CEP44: variants seen among roughly 807,000 people sequenced by gnomAD.
The protein encoded by CEP44 is centrosomal protein 44.
In CEP44, 45 loss-of-function variants were observed where a neutral mutation model predicts 46.7. The observed-to-expected ratio is 0.96, with a 90% CI of 0.76 to 1.24. The LOEUF (loss-of-function observed/expected upper bound fraction) is 1.24. Ranked by LOEUF, CEP44 falls within the 50% of genes most tolerant of loss-of-function variation. CEP44 has a pLI of 0.00. For synonymous variants in CEP44, 142 were observed against 146.0 expected (o/e 0.97, Z 0.20); for missense variants, 475 against 459.7 (o/e 1.03, Z -0.30).
At chr4:174,315,247 T>G (rs1172826258) in intron 9 of CEP44, among the ~76,000 whole-genome samples, 4 of 145,506 alleles carry the variant, frequency 2.7e-5, no homozygotes, top group Admixed American at 6.9e-5. Context: ...TTTTTTTTTT[T>G]GCATTGCTTT....
rs1738093867 is a variant in CEP44 at position 174,290,659 on chromosome 4, A to AT, written c.-148+6718dup. ...GTATCAAAGTCTCCTTCTGTATTGT[A>AT]TTGATATCTATTTCTTCCTCCAATT... is the stretch of plus-strand genomic sequence containing the variant. On this transcript the variant is annotated intron_variant, in intron 1 of 11. Transcript: ENST00000503780. This position sits in a 1 kb window ranked among gnomAD's most constrained non-coding sequence, Gnocchi z 4.3. 6.6e-6 allele frequency among the ~76,000 whole-genome samples: 1 copy of AT among 152,108 alleles called. No individual in the cohort carries two copies. Among genetic ancestry groups the AT allele is most frequent in the African/African-American group, 2.4e-5 (1 of 41,442 alleles).
chr4:174,302,323 TGTA>T (rs1484054913), intron 4 of CEP44, 137 bp downstream of exon 4: 11 of 593,392 alleles, frequency 1.9e-5, no homozygotes, highest in Non-Finnish European at 3.2e-5. Flanking sequence ...CTCATTTAAA[TGTA>T]GTCTCTATTG....
rs1468721965 is a variant in CEP44, at chr4:174,286,125, T to G, written c.-148+2182T>G. Among the ~76,000 whole-genome samples the G allele has an allele frequency of 6.6e-6, 1 of 152,182 alleles. No homozygotes were observed. The highest frequency in any genetic ancestry group is 1.5e-5 in the Non-Finnish European group (1 of 68,028). ...CTATAAAGTATATTCAATAAGCTGTTGCCTACCATGTTGATAAAGGAGACT... is the reference window on the plus strand; with the variant it reads ...CTATAAAGTATATTCAATAAGCTGTGGCCTACCATGTTGATAAAGGAGACT... On this transcript the variant is annotated intron_variant, in intron 1 of 11. Transcript: ENST00000503780. This position sits in a 1 kb window ranked among gnomAD's most constrained non-coding sequence, Gnocchi z 5.2.
rs911156536 is a variant in CEP44, at chr4:174,311,512, C to T, written c.961+654C>T. On this transcript the variant is annotated intron_variant, in intron 9 of 11. Coordinates refer to ENST00000503780, the MANE Select transcript of CEP44 (RefSeq NM_001040157.3). The surrounding 1 kb of genome is among the most constrained non-coding windows in gnomAD (Gnocchi z 4.4). ...GAGATGTTTTGTCCAATTGAGAATTCATCGTTAAGTTAAATTTTTAATATC... is the reference window on the plus strand; with the variant it reads ...GAGATGTTTTGTCCAATTGAGAATTTATCGTTAAGTTAAATTTTTAATATC... Among the ~76,000 whole-genome samples, 26 of 152,026 alleles carry T rather than the reference C, an allele frequency of 1.7e-4. No individual in the cohort carries two copies. The highest frequency in any genetic ancestry group is 5.1e-4 in the African/African-American group (21 of 41,384).
intron 1 of CEP44, among the ~76,000 whole-genome samples, chr4:174,293,213 G>A (rs1738441011): frequency 6.6e-6 from 1 of 152,184 alleles, no homozygotes; most frequent in Admixed American, 6.5e-5. Flanking sequence ...TGAGACCTTG[G>A]ACAGGTGAGT....
Position 174,329,743 on chromosome 4 carries a change from A to T in CEP44, c.1087-1739A>T, listed in dbSNP as rs1433766824. Among the ~76,000 whole-genome samples the T allele has an allele frequency of 6.6e-6, 1 of 152,160 alleles. No homozygotes were observed. On this transcript the variant is annotated intron_variant, in intron 8 of 8. Transcript: ENST00000426172. This position sits in a 1 kb window ranked among gnomAD's most constrained non-coding sequence, Gnocchi z 4.0. ...CTCTAATTTAGTTAAAAAAATATTAATGAATATATGTTAACCTTCAGGCTA... is the reference window on the plus strand; with the variant it reads ...CTCTAATTTAGTTAAAAAAATATTATTGAATATATGTTAACCTTCAGGCTA...
intron 1 of CEP44, among the ~76,000 whole-genome samples, chr4:174,289,428 G>C (rs770111832): frequency 1.3e-5 from 2 of 148,384 alleles, no homozygotes; most frequent in Non-Finnish European, 3.0e-5. Context: ...CTCCTTTTTT[G>C]TTATTTGTCT....
rs1333955032 is a variant in CEP44, at chr4:174,287,346, G to A, written c.-148+3403G>A. 3.9e-5 allele frequency among the ~76,000 whole-genome samples: 6 copies of A among 152,090 alleles called. No homozygotes were observed. The highest frequency in any genetic ancestry group is 7.4e-5 in the Non-Finnish European group (5 of 68,012). ...TGGGTCTATTAGAGAAAATTAATGAGGGGGATTAATTAGTTTGGGATCTAA... is the reference window on the plus strand; with the variant it reads ...TGGGTCTATTAGAGAAAATTAATGAAGGGGATTAATTAGTTTGGGATCTAA... On this transcript the variant is annotated intron_variant, in intron 1 of 11. Coordinates refer to ENST00000503780, the MANE Select transcript of CEP44 (RefSeq NM_001040157.3). The surrounding 1 kb of genome is among the most constrained non-coding windows in gnomAD (Gnocchi z 5.1).
At chr4:174,299,248 C>A in intron 3 of CEP44, 38 bp downstream of exon 3, 2 of 1,520,996 alleles carry the variant, frequency 1.3e-6, no homozygotes, top group Non-Finnish European at 1.8e-6. Context: ...ATTCTTCTTG[C>A]TAGTGATTTG....
intron 6 of CEP44, among the ~76,000 whole-genome samples, chr4:174,306,237 C>T (rs1444681047): frequency 1.3e-5 from 2 of 151,930 alleles, no homozygotes; most frequent in Non-Finnish European, 2.9e-5. Context: ...GTCAGGACTT[C>T]TTCGTTGTCA....
intron 6 of CEP44, 96 bp from the exon 7 acceptor site, chr4:174,308,589 TAACA>T: frequency 8.7e-7 from 1 of 1,153,408 alleles, no homozygotes; most frequent in Non-Finnish European, 1.2e-6. Context: ...TTTACTTGTG[TAACA>T]AACCTGCACA....
At position 174,310,153 on chromosome 4, in the gene CEP44, G is replaced by C. The variant is rs1740907688; in HGVS notation, c.885+97G>C. The stretch of plus-strand genomic sequence containing the variant: ...ATTTTTTTGGAAATGCTAAATATGA[G>C]AATATTTGAATAATGAGAAAATGTC... On this transcript the variant is annotated intron_variant, in intron 8 of 11. Coordinates refer to ENST00000503780, the MANE Select transcript of CEP44 (RefSeq NM_001040157.3). This position sits in a 1 kb window ranked among gnomAD's most constrained non-coding sequence, Gnocchi z 4.2. 9.8e-7 allele frequency: 1 copy of C among 1,020,320 alleles called. No individual in the cohort carries two copies. Among genetic ancestry groups the C allele is most frequent in the African/African-American group, 1.6e-5 (1 of 61,242 alleles). The allele number at this position is 1,020,320 out of a possible 1,614,324, so 63.2% of individuals were successfully genotyped here. A position where few individuals can be genotyped will look rare whatever the true frequency, so the allele number is the denominator to read the frequency against.
chr4:174,317,765 T>A lies in CEP44; in HGVS notation c.*382T>A. The A allele has an allele frequency of 1.0e-6, 1 of 987,750 alleles. No homozygotes were observed. The highest frequency in any genetic ancestry group is 1.2e-6 in the Non-Finnish European group (1 of 831,254). 61.2% of individuals were successfully genotyped at this position (987,750 alleles called of 1,614,324 possible). ...TTGGAAACATTCCAAATGGGACTTG[T>A]GTATTATACCCAGGAGGCTCTCATA... On this transcript the variant is annotated 3_prime_UTR_variant, in exon 12 of 12. Coordinates refer to ENST00000503780, the MANE Select transcript of CEP44 (RefSeq NM_001040157.3).
At position 174,319,011 on chromosome 4, in the gene CEP44, G is replaced by A. The variant is rs1179674248; in HGVS notation, c.*1628G>A. On this transcript the variant is annotated 3_prime_UTR_variant, in exon 12 of 12. Transcript: ENST00000503780. ...TTTTGTAGAGACAGGGTTTCACCAT[G>A]TTGCCCAGTCTGTTCTCAAACTCGT... 1 of 360,368 alleles carries A rather than the reference G, an allele frequency of 2.8e-6. No individual in the cohort carries two copies. Among genetic ancestry groups the A allele is most frequent in the Non-Finnish European group, 3.9e-6 (1 of 259,236 alleles). 22.3% of individuals were successfully genotyped at this position (360,368 alleles called of 1,614,324 possible).
At chr4:174,289,972 G>A (rs1275313388) in intron 1 of CEP44, among the ~76,000 whole-genome samples, 1 of 151,836 alleles carries the variant, frequency 6.6e-6, no homozygotes, top group Non-Finnish European at 1.5e-5. Context: ...CCGAGTAGGT[G>A]GGAGTCCCAA....
intron 6 of CEP44, among the ~76,000 whole-genome samples, 195 bp downstream of exon 6, chr4:174,304,564 T>G (rs913511697): frequency 6.6e-6 from 1 of 152,234 alleles, no homozygotes; most frequent in African/African-American, 2.4e-5. Context: ...AATATAAAAT[T>G]AAATACGTGT....
rs1411971100 is a variant in CEP44 at position 174,325,821 on chromosome 4, A to G, written c.1087-5661A>G. ...TTCATGATAAAGAGACTTATTTCTT[A>G]TTATGAGTTGGCCCTCTTTATCTCT... On this transcript the variant is annotated intron_variant, in intron 8 of 8. Transcript: ENST00000426172. This position sits in a 1 kb window ranked among gnomAD's most constrained non-coding sequence, Gnocchi z 4.4. Among the ~76,000 whole-genome samples the G allele has an allele frequency of 6.6e-6, 1 of 152,164 alleles. No homozygotes were observed. The highest frequency in any genetic ancestry group is 1.5e-5 in the Non-Finnish European group (1 of 68,002).
Position 174,319,439 on chromosome 4 carries a change from T to C in CEP44, c.*2056T>C. ...TCCCATCAAACAGGATAATATTTTTTCCCTTTTGAAAAATTCAATTTTAAA... is the reference window on the plus strand; with the variant it reads ...TCCCATCAAACAGGATAATATTTTTCCCCTTTTGAAAAATTCAATTTTAAA... On this transcript the variant is annotated 3_prime_UTR_variant, in exon 12 of 12. Transcript: ENST00000503780. 1 of 981,274 alleles carries C rather than the reference T, an allele frequency of 1.0e-6. No homozygotes were observed. The highest frequency in any genetic ancestry group is 1.2e-6 in the Non-Finnish European group (1 of 826,110). 60.8% of individuals were successfully genotyped at this position (981,274 alleles called of 1,614,324 possible). A position where few individuals can be genotyped will look rare whatever the true frequency, so the allele number is the denominator to read the frequency against.
downstream of CEP44, among the ~76,000 whole-genome samples, chr4:174,320,684 C>CTGTGTGTGTG (rs34832692): frequency 5.8e-4 from 86 of 147,530 alleles, no homozygotes; most frequent in African/African-American, 1.2e-3. Context: ...TGAGTGTGCT[C>CTGTGTGTGTG]TGTGTGTGTG....
Sources: allele counts gnomAD v4.1 joint callset (sites outside exome capture counted in the v4.1 genomes callset), GRCh38; gene constraint gnomAD v4.1.1; non-coding constraint Gnocchi (gnomAD v3.1); transcripts MANE v1.5; gene names NCBI Gene and HGNC (gene_info 2026-07-23, HGNC 2026-07-21).